The following PAICS variants were observed in gnomAD, a reference collection of about 807,000 sequenced individuals.
The protein encoded by PAICS is phosphoribosylaminoimidazole carboxylase and phosphoribosylaminoimidazolesuccinocarboxamide synthase.
A neutral mutation model predicts 53.7 loss-of-function variants in PAICS; 33 were observed. The ratio of observed to expected loss-of-function variants is 0.61; its 90% confidence interval spans 0.47 to 0.82. The LOEUF is 0.82. PAICS is among the 40% of genes least tolerant of loss of function. The probability of loss-of-function intolerance (pLI) is 0.00; values close to 1 mark genes in which losing one functional copy is unlikely to be tolerated. For missense variants in PAICS, 394 were observed against 494.1 expected (o/e 0.80, Z 1.92); for synonymous variants, 141 against 167.2 (o/e 0.84, Z 1.21).
chr4:56,458,712 A>T (rs752259831), intron 8 of PAICS, among the ~76,000 whole-genome samples: 1 of 152,208 alleles, frequency 6.6e-6, no homozygotes, highest in Non-Finnish European at 1.5e-5. Context: ...AGCTTTTGGA[A>T]CTATAGCAAA....
chr4:56,427,314 C>T, the PAICS span, among the ~76,000 whole-genome samples: 1 of 152,110 alleles, frequency 6.6e-6, no homozygotes, highest in African/African-American at 2.4e-5. Flanking sequence ...TGTTTTTCCA[C>T]AGCATGTATA....
intron 2 of PAICS, among the ~76,000 whole-genome samples, chr4:56,445,475 T>A (rs917097621): frequency 6.6e-6 from 1 of 152,022 alleles, no homozygotes; most frequent in Non-Finnish European, 1.5e-5. Flanking sequence ...TAATCCCAGC[T>A]ACTCAGGAGG....
intron 8 of PAICS, among the ~76,000 whole-genome samples, chr4:56,457,859 G>A (rs556131896): frequency 5.3e-5 from 8 of 152,040 alleles, no homozygotes; most frequent in Admixed American, 2.0e-4. Context: ...CTACCACTGT[G>A]TTTGCCTTTC....
intron 3 of PAICS, among the ~76,000 whole-genome samples, chr4:56,447,632 G>A (rs892633519): frequency 2.6e-5 from 4 of 152,094 alleles, no homozygotes; most frequent in African/African-American, 9.7e-5. Flanking sequence ...CATGTCTGAT[G>A]ACTGTTATTA....
the PAICS span, among the ~76,000 whole-genome samples, chr4:56,428,229 A>G: frequency 6.6e-6 from 1 of 152,252 alleles, no homozygotes. Context: ...ATAATTATAA[A>G]TCATGTTGAT....
At chr4:56,444,724 A>C (rs1405775140) in intron 2 of PAICS, among the ~76,000 whole-genome samples, 2 of 152,154 alleles carry the variant, frequency 1.3e-5, no homozygotes, top group Non-Finnish European at 2.9e-5. Flanking sequence ...CTGTTTTAGA[A>C]ACTTTTAGGG....
At chr4:56,432,110 C>T (rs1461956206), upstream of PAICS, among the ~76,000 whole-genome samples, 2 of 152,134 alleles carry the variant, frequency 1.3e-5, 1 homozygote, top group South Asian at 4.1e-4. Context: ...GGCTAATATA[C>T]CTTCCAGGTA....
chr4:56,441,977 T>C lies in PAICS; in HGVS notation c.214+117T>C, dbSNP rs1373185974. The C allele has an allele frequency of 7.3e-6, 5 of 682,360 alleles. No individual in the cohort carries two copies. The African/African-American group carries it at 9.1e-5, about 12-fold the overall frequency. The allele number at this position is 682,360 out of a possible 1,614,324, so 42.3% of individuals were successfully genotyped here. A position where few individuals can be genotyped will look rare whatever the true frequency, so the allele number is the denominator to read the frequency against. Reference sequence around the variant, plus strand: ...GTTTGCAGATGTCTCAAAAGCTAAGTGAATTTAAATCAAACCAAGAACCCT... The same window carrying C: ...GTTTGCAGATGTCTCAAAAGCTAAGCGAATTTAAATCAAACCAAGAACCCT... On this transcript the variant is annotated intron_variant, in intron 2 of 8. Coordinates refer to ENST00000512576, the MANE Select transcript of PAICS (RefSeq NM_001079524.2).
chr4:56,423,725 T>C, the PAICS span, among the ~76,000 whole-genome samples: 1 of 151,988 alleles, frequency 6.6e-6, no homozygotes, highest in African/African-American at 2.4e-5. Flanking sequence ...TTAGAAAATG[T>C]GAAACAGGAC....
intron 7 of PAICS, among the ~76,000 whole-genome samples, chr4:56,452,939 T>C (rs1294385330): frequency 6.6e-6 from 1 of 152,092 alleles, no homozygotes; most frequent in East Asian, 1.9e-4. Flanking sequence ...GAGTGGGAGG[T>C]TGGGGGAACT....
At chr4:56,444,196 T>G (rs1718478766) in intron 2 of PAICS, among the ~76,000 whole-genome samples, 1 of 152,172 alleles carries the variant, frequency 6.6e-6, no homozygotes, top group Non-Finnish European at 1.5e-5. Flanking sequence ...AAATCAGGAT[T>G]CTACTTTTCT....
At position 56,446,626 on chromosome 4, in the gene PAICS, T is replaced by C. The variant is rs1375850219; in HGVS notation, c.215-69T>C. 7.8e-6 allele frequency: 7 copies of C among 901,052 alleles called. No homozygotes were observed. In the Admixed American group the frequency reaches 1.1e-4, roughly 14 times the overall value. 55.8% of individuals were successfully genotyped at this position (901,052 alleles called of 1,614,324 possible). On this transcript the variant is annotated intron_variant, in intron 2 of 8. Transcript: ENST00000512576. Reference sequence around the variant, plus strand: ...GTTGCTTGTAAAGGGTAGAGTTTTATTGTGCCTCAGATCTACCTTTTTACA... The same window carrying C: ...GTTGCTTGTAAAGGGTAGAGTTTTACTGTGCCTCAGATCTACCTTTTTACA...
the PAICS span, chr4:56,429,026 A>T: frequency 1.2e-6 from 1 of 855,156 alleles, no homozygotes; most frequent in Non-Finnish European, 1.4e-6. Flanking sequence ...GAGAAATAAC[A>T]AGTTCTTCCA....
chr4:56,426,348 G>A, the PAICS span, among the ~76,000 whole-genome samples: 1 of 151,956 alleles, frequency 6.6e-6, no homozygotes, highest in East Asian at 1.9e-4. Flanking sequence ...GTTGCAGTGA[G>A]CCGTGGTCAC....
chr4:56,411,502 G>A, the PAICS span, among the ~76,000 whole-genome samples: 21 of 152,122 alleles, frequency 1.4e-4, no homozygotes, highest in Non-Finnish European at 2.6e-4. Context: ...GATTTACAGG[G>A]GTTTCTTGAC....
Position 56,459,683 on chromosome 4 carries a change from T to A in PAICS, c.*145T>A. On this transcript the variant is annotated 3_prime_UTR_variant, in exon 9 of 9. Transcript: ENST00000512576. ...GAATAAATGCTTCTCTAGATCCATA[T>A]TAATAAACATGAGCATCTAACCCCT... The A allele has an allele frequency of 1.7e-6, 1 of 602,706 alleles. No individual in the cohort carries two copies. The highest frequency in any genetic ancestry group is 2.9e-6 in the Non-Finnish European group (1 of 349,736). 37.3% of individuals were successfully genotyped at this position (602,706 alleles called of 1,614,324 possible). A position where few individuals can be genotyped will look rare whatever the true frequency, so the allele number is the denominator to read the frequency against.
At chr4:56,454,541 CTGTT>C (rs886263301) in intron 8 of PAICS, among the ~76,000 whole-genome samples, 1 of 152,126 alleles carries the variant, frequency 6.6e-6, no homozygotes, top group Non-Finnish European at 1.5e-5. Flanking sequence ...ATTGTCTCAT[CTGTT>C]TGTTCAGATC....
intron 1 of PAICS, chr4:56,436,532 G>C: frequency 1.4e-6 from 1 of 711,242 alleles, no homozygotes; most frequent in Non-Finnish European, 2.6e-6. Context: ...CAAAGTAGAG[G>C]AGAACGAGAA....
At chr4:56,432,892 C>G (rs918649936), upstream of PAICS, among the ~76,000 whole-genome samples, 8 of 150,612 alleles carry the variant, frequency 5.3e-5, no homozygotes, top group African/African-American at 2.0e-4. Flanking sequence ...TAAAACTAAC[C>G]AGTGAGTGAA....
Sources: gnomAD v4.1 joint callset for allele counts (sites outside exome capture counted in the v4.1 genomes callset) on GRCh38, gnomAD v4.1.1 for gene constraint, MANE v1.5 for transcripts, NCBI Gene and HGNC (gene_info 2026-07-23, HGNC 2026-07-21) for gene names.